HMOX2: variants seen among roughly 807,000 people sequenced by gnomAD.
The protein encoded by HMOX2 is heme oxygenase 2.
In HMOX2, 30 loss-of-function variants were observed where a neutral mutation model predicts 33.7. The ratio of observed to expected loss-of-function variants is 0.89; its 90% CI spans 0.67 to 1.21. The LOEUF (loss-of-function observed/expected upper bound fraction) is 1.21. HMOX2 is among the 50% of genes most tolerant of loss of function. The pLI, the probability that HMOX2 is intolerant of heterozygous loss-of-function variation, is 0.00. For synonymous variants in HMOX2, 155 were observed against 155.0 expected, an observed-to-expected ratio of 1.00 and a Z score of 0.00; for missense variants, 403 against 399.1, an observed-to-expected ratio of 1.01 and a Z score of -0.08.
chr16:4,484,617 C>T (rs1010900722), intron 1 of HMOX2, among the ~76,000 whole-genome samples: 6 of 151,826 alleles, frequency 4.0e-5, no homozygotes, highest in African/African-American at 7.3e-5. Context: ...TGCACCACCA[C>T]GCCTGGCTGA....
chr16:4,506,922 G>A lies in HMOX2; in HGVS notation c.114G>A (p.Lys38=), dbSNP rs2058707939. 1 of 1,613,902 alleles carries A rather than the reference G, an allele frequency of 6.2e-7. No homozygotes were observed. The highest frequency in any genetic ancestry group is 8.5e-7 in the Non-Finnish European group (1 of 1,179,912). ...TGGCTGACCTCTCGGAGCTCCTGAA[G>A]GAAGGGACCAAGGAAGCACACGACC... The part of the protein sequence containing the change: ...MRMADLSELL[K]EGTKEAHDRA... Residue 38 remains lysine, a synonymous_variant, in exon 3 of 6, where the codon AAG becomes AAA. Coordinates refer to ENST00000570646, the MANE Select transcript of HMOX2 (RefSeq NM_002134.4).
chr16:4,485,475 T>C (rs2058144405), intron 1 of HMOX2, among the ~76,000 whole-genome samples: 2 of 152,098 alleles, frequency 1.3e-5, no homozygotes, highest in South Asian at 4.1e-4. Flanking sequence ...TAAAATCACT[T>C]TGTAAGGTTT....
Position 4,507,820 on chromosome 16 carries a change from C to T in HMOX2, c.312C>T (p.His104=), listed in dbSNP as rs779261250. ...CTTTGTACTTCCCCATGGAGCTGCA[C>T]CGGAAGGAGGCGCTGACCAAGGACA... The part of the protein sequence containing the change: ...FAPLYFPMEL[H]RKEALTKDME... The change falls in exon 4 of 6, where the codon CAC becomes CAT. Residue 104 remains histidine, a synonymous_variant. Transcript: ENST00000570646. The T allele has an allele frequency of 2.5e-6, 4 of 1,614,214 alleles. 1 individual carries two copies. The highest frequency in any genetic ancestry group is 2.2e-5 in the South Asian group (2 of 91,086).
chr16:4,478,079 G>A (rs758463889), intron 1 of HMOX2, among the ~76,000 whole-genome samples: 2 of 152,150 alleles, frequency 1.3e-5, no homozygotes, highest in Non-Finnish European at 1.5e-5. Flanking sequence ...GTGGAGCCTT[G>A]GAAACACACT....
chr16:4,510,128 C>T lies in HMOX2; in HGVS notation c.*372C>T, dbSNP rs1054204610. On this transcript the variant is annotated 3_prime_UTR_variant, in exon 6 of 6. Coordinates refer to ENST00000570646, the MANE Select transcript of HMOX2 (RefSeq NM_002134.4). ...GAGTGGCCTGTAAGTCCAAGCTGTG[C>T]GAGGGGGCCTTGCTGGATGCTGCTG... The T allele has an allele frequency of 8.5e-6, 2 of 233,986 alleles. No individual in the cohort carries two copies. Among genetic ancestry groups the T allele is most frequent in the South Asian group, 8.9e-5 (1 of 11,196 alleles). The allele number at this position is 233,986 out of a possible 1,614,324, so 14.5% of individuals were successfully genotyped here.
chr16:4,486,648 G>C (rs573223511), intron 1 of HMOX2, among the ~76,000 whole-genome samples: 3 of 152,326 alleles, frequency 2.0e-5, no homozygotes, highest in Admixed American at 2.0e-4. Flanking sequence ...GGGCAGGTCA[G>C]GTCTGGGAAC....
At chr16:4,493,083 G>A (rs2058342200) in intron 1 of HMOX2, among the ~76,000 whole-genome samples, 2 of 152,042 alleles carry the variant, frequency 1.3e-5, no homozygotes, top group Admixed American at 1.3e-4. Flanking sequence ...CTGGAAGCTG[G>A]AATTCAGTAG....
intron 1 of HMOX2, among the ~76,000 whole-genome samples, chr16:4,489,065 G>C (rs912488532): frequency 6.6e-6 from 1 of 152,006 alleles, no homozygotes; most frequent in Admixed American, 6.6e-5. Flanking sequence ...TTTATATAAG[G>C]AGGGGGCAAG....
At chr16:4,502,628 C>G (rs1403385322) in intron 1 of HMOX2, 1 of 152,248 alleles carries the variant, frequency 6.6e-6, no homozygotes, top group Non-Finnish European at 1.5e-5. Flanking sequence ...ACCTTTTTCT[C>G]TGCTGCCTGA....
chr16:4,477,316 T>C (rs1024325226), intron 1 of HMOX2, among the ~76,000 whole-genome samples: 6 of 151,010 alleles, frequency 4.0e-5, no homozygotes, highest in African/African-American at 1.5e-4. Flanking sequence ...CTGGCCAACA[T>C]AGTGAAACCC....
intron 1 of HMOX2, chr16:4,479,552 C>G (rs1209490814): frequency 6.6e-6 from 1 of 152,028 alleles, no homozygotes; most frequent in Non-Finnish European, 1.5e-5. Context: ...TGGATATTCT[C>G]TTCACTCAGC....
In HMOX2 at chr16:4,506,073, G is replaced by GT. The variant is rs553928670; in HGVS notation, c.86+473dup. Among the ~76,000 whole-genome samples, 143 of 149,574 alleles carry GT rather than the reference G, an allele frequency of 9.6e-4. 1 individual carries two copies. Among genetic ancestry groups the GT allele is most frequent in the Admixed American group, 1.9e-3 (29 of 14,956 alleles). On this transcript the variant is annotated intron_variant, in intron 2 of 5. Coordinates refer to ENST00000570646, the MANE Select transcript of HMOX2 (RefSeq NM_002134.4). ...CTCTCATAGCCCTGTCATTGGCCAAGTTTTTTTTTTATCCCTTGAAATAAT... is the reference window on the plus strand; with the variant it reads ...CTCTCATAGCCCTGTCATTGGCCAAGTTTTTTTTTTTATCCCTTGAAATAAT...
intron 1 of HMOX2, among the ~76,000 whole-genome samples, chr16:4,503,781 C>G (rs1285789096): frequency 3.3e-5 from 5 of 152,204 alleles, no homozygotes; most frequent in Non-Finnish European, 7.3e-5. Flanking sequence ...AGAGAAAACT[C>G]AGGAAGGATA....
intron 1 of HMOX2, chr16:4,479,405 G>T (rs118181434): frequency 0.026 from 3,972 of 152,238 alleles, 90 homozygotes; most frequent in Non-Finnish European, 0.039. Flanking sequence ...TAAGGCACAG[G>T]CTGGAAAGAG....
intron 4 of HMOX2, among the ~76,000 whole-genome samples, chr16:4,508,809 CTG>C (rs2058758199): frequency 6.6e-6 from 1 of 152,230 alleles, no homozygotes; most frequent in African/African-American, 2.4e-5. Flanking sequence ...GCCCTCCTGT[CTG>C]TGCTGTGGTA....
At chr16:4,487,345 G>C (rs2058194457) in intron 1 of HMOX2, among the ~76,000 whole-genome samples, 1 of 151,700 alleles carries the variant, frequency 6.6e-6, no homozygotes, top group Admixed American at 6.6e-5. Flanking sequence ...CCTGAGATCA[G>C]GAGTTTGAGA....
chr16:4,478,405 A>T (rs1008282356), intron 1 of HMOX2, among the ~76,000 whole-genome samples: 1 of 152,156 alleles, frequency 6.6e-6, no homozygotes, highest in African/African-American at 2.4e-5. Flanking sequence ...CTACATCAGG[A>T]TTGCACCCAA....
At chr16:4,484,056 G>C (rs1596446556) in intron 1 of HMOX2, among the ~76,000 whole-genome samples, 2 of 144,860 alleles carry the variant, frequency 1.4e-5, no homozygotes, top group Admixed American at 6.9e-5. Context: ...CTCACTGCAG[G>C]CTCCGCCTCC....
In HMOX2 at chr16:4,508,166, G is replaced by A. The variant is rs749716286; in HGVS notation, c.658G>A (p.Val220Met). The A allele has an allele frequency of 1.2e-5, 20 of 1,613,058 alleles. No homozygotes were observed. The highest frequency in any genetic ancestry group is 2.2e-5 in the East Asian group (1 of 44,886). The change falls in exon 4 of 6, where the codon GTG becomes ATG. Residue 220 changes from valine to methionine, a missense_variant. Val to Met is a conservative substitution (Grantham distance 21). Transcript: ENST00000570646. ...GAACATGAAGACCAAAGAGAGGATC[G>A]TGGAGGAGGCCAACAAGGCTTTTGA... The part of the protein sequence containing the change: ...DLNMKTKERI[V>M]EEANKAFEYN...
Sources: gnomAD v4.1 joint callset for allele counts (sites outside exome capture counted in the v4.1 genomes callset) on GRCh38, gnomAD v4.1.1 for gene constraint, MANE v1.5 for transcripts, NCBI Gene and HGNC (gene_info 2026-07-23, HGNC 2026-07-21) for gene names.